Variants in NDUFA13 observed in about 807,000 individuals in gnomAD.
NDUFA13 encodes the protein NADH:ubiquinone oxidoreductase subunit A13.
NDUFA13 carries 16 observed loss-of-function variants against 17.0 expected under a neutral mutation model. That is an observed-to-expected ratio of 0.94 (90% CI 0.64 to 1.43). The LOEUF is 1.43. Ranked by LOEUF, NDUFA13 falls within the 40% of genes most tolerant of loss-of-function variation. The pLI is 0.00. For missense variants in NDUFA13, 228 were observed against 206.7 expected (o/e 1.10, Z -0.63); for synonymous variants, 87 against 78.4 (o/e 1.11, Z -0.58).
chr19:19,516,832 G>C (rs1344120203), intron 1 of NDUFA13, among the ~76,000 whole-genome samples: 1 of 152,066 alleles, frequency 6.6e-6, no homozygotes, highest in Admixed American at 6.5e-5. Context: ...TTGTTGCCCA[G>C]GCTGGAGTGC....
chr19:19,524,047 C>T (rs886102573), intron 1 of NDUFA13, among the ~76,000 whole-genome samples: 10 of 104,588 alleles, frequency 9.6e-5, no homozygotes, highest in Admixed American at 1.9e-4. Flanking sequence ...GGATTACAAG[C>T]GTGAGCCGAA....
intron 1 of NDUFA13, among the ~76,000 whole-genome samples, chr19:19,519,971 CTTTT>C (rs397963977): frequency 2.5e-5 from 3 of 120,268 alleles, no homozygotes; most frequent in Admixed American, 9.1e-5. Context: ...TTTTTGTTCT[CTTTT>C]TTTTTTTTTT....
chr19:19,520,037 C>T (rs998298471), intron 1 of NDUFA13, among the ~76,000 whole-genome samples: 8 of 145,342 alleles, frequency 5.5e-5, no homozygotes, highest in Admixed American at 2.9e-4. Context: ...TGCAGTGGCG[C>T]GATCTCAGCT....
At chr19:19,521,705 C>T (rs2061078912) in intron 1 of NDUFA13, among the ~76,000 whole-genome samples, 1 of 137,514 alleles carries the variant, frequency 7.3e-6, no homozygotes, top group South Asian at 2.1e-4. Context: ...CGGGTTCACG[C>T]CATTCTCCTG....
At chr19:19,527,238 C>T in intron 2 of NDUFA13, 43 bp from the exon 3 acceptor site, 1 of 1,612,028 alleles carries the variant, frequency 6.2e-7, no homozygotes, top group Non-Finnish European at 8.5e-7. Flanking sequence ...GCTCCCCCGA[C>T]CTAGCCTGGT....
intron 1 of NDUFA13, 120 bp downstream of exon 1, chr19:19,516,452 G>T: frequency 9.5e-7 from 1 of 1,048,480 alleles, no homozygotes; most frequent in Non-Finnish European, 1.4e-6. Context: ...GGAGCCCGGG[G>T]ATCCATCATA....
Position 19,527,700 on chromosome 19 carries a change from G to C in NDUFA13, c.246-1G>C. ...CCCCACCATCGGCCCCATCCCCACA[G>C]GACCTTGCAGATGCTTCGGGAGAAC... is the stretch of plus-strand genomic sequence containing the variant. On this transcript the variant is annotated splice_acceptor_variant, in intron 3 of 4. Coordinates refer to ENST00000507754, the MANE Select transcript of NDUFA13 (RefSeq NM_015965.7). LOFTEE classifies it high-confidence loss of function. The C allele has an allele frequency of 6.4e-7, 1 of 1,551,886 alleles. No homozygotes were observed. Among genetic ancestry groups the C allele is most frequent in the Non-Finnish European group, 8.7e-7 (1 of 1,147,080 alleles).
intron 2 of NDUFA13, 91 bp from the exon 3 acceptor site, chr19:19,527,190 C>T: frequency 7.0e-7 from 1 of 1,422,250 alleles, no homozygotes. Context: ...GCCTCTTCCC[C>T]CAGCAGCACC....
Position 19,528,061 on chromosome 19 carries a change from C to T in NDUFA13, c.370C>T (p.Leu124=). The change falls in exon 5 of 5, where the codon CTG becomes TTG. Residue 124 remains leucine, a synonymous_variant. Coordinates refer to ENST00000507754, the MANE Select transcript of NDUFA13 (RefSeq NM_015965.7). ...CTGGGTGCCCCCCTTGATCGGGGAG[C>T]TGTACGGGCTGCGCACCACAGAGGA... is the stretch of plus-strand genomic sequence containing the variant. ...TRWVPPLIGE[L]YGLRTTEEAL... The T allele has an allele frequency of 6.2e-7, 1 of 1,612,098 alleles. No homozygotes were observed. Among genetic ancestry groups the T allele is most frequent in the African/African-American group, 1.3e-5 (1 of 74,944 alleles).
At chr19:19,526,354 G>C in intron 2 of NDUFA13, 94 bp downstream of exon 2, 1 of 1,386,702 alleles carries the variant, frequency 7.2e-7, no homozygotes, top group Non-Finnish European at 1.0e-6. Flanking sequence ...GGCGAGGGGT[G>C]AACGGGCCCC....
intron 2 of NDUFA13, 48 bp downstream of exon 2, chr19:19,526,308 G>A: frequency 6.3e-7 from 1 of 1,599,806 alleles, no homozygotes; most frequent in Non-Finnish European, 8.5e-7. Context: ...CCGGCGAGTT[G>A]TCGGGGTCCT....
At chr19:19,519,609 G>A (rs950178235) in intron 1 of NDUFA13, among the ~76,000 whole-genome samples, 1 of 152,164 alleles carries the variant, frequency 6.6e-6, no homozygotes, top group African/African-American at 2.4e-5. Flanking sequence ...GTCCCCAAGC[G>A]CTCACAGCTG....
chr19:19,527,235 C>G, intron 2 of NDUFA13, 46 bp from the exon 3 acceptor site: 1 of 1,609,802 alleles, frequency 6.2e-7, no homozygotes, highest in Non-Finnish European at 8.5e-7. Context: ...TGTGCTCCCC[C>G]GACCTAGCCT....
intron 1 of NDUFA13, among the ~76,000 whole-genome samples, chr19:19,525,496 A>G (rs1273418564): frequency 2.6e-5 from 4 of 152,174 alleles, no homozygotes; most frequent in African/African-American, 9.7e-5. Context: ...TGAGCTTTTC[A>G]TTCATCCCAC....
chr19:19,528,185 C>T lies in NDUFA13; in HGVS notation c.*59C>T. ...CCTCCCCACTGGGACGGAATAAATG[C>T]TCTGCAGACCTGGCCTGCCTGTTTT... is the stretch of plus-strand genomic sequence containing the variant. On this transcript the variant is annotated 3_prime_UTR_variant, in exon 5 of 5. Transcript: ENST00000507754. 1.2e-6 allele frequency: 2 copies of T among 1,603,502 alleles called. No homozygotes were observed. The highest frequency in any genetic ancestry group is 1.7e-6 in the Non-Finnish European group (2 of 1,178,862).
rs375060677 is a variant in NDUFA13 at position 19,526,980 on chromosome 19, C to T, written c.174-301C>T. Among the ~76,000 whole-genome samples the T allele has an allele frequency of 1.6e-4, 24 of 152,280 alleles. No homozygotes were observed. The South Asian group carries it at 1.7e-3, about 11-fold the overall frequency. ...TGATGAAGTCACCCCCTCTTCGTCG[C>T]GATCATCAGGCAGAGTTATTTTTAG... On this transcript the variant is annotated intron_variant, in intron 2 of 4. Transcript: ENST00000507754.
chr19:19,527,534 G>A, intron 3 of NDUFA13, 167 bp from the exon 4 acceptor site: 1 of 934,992 alleles, frequency 1.1e-6, no homozygotes, highest in Non-Finnish European at 1.7e-6. Flanking sequence ...AAGGCTTCCT[G>A]GAGGAGGAGG....
intron 1 of NDUFA13, among the ~76,000 whole-genome samples, chr19:19,519,009 GGT>G (rs2061063909): frequency 1.3e-5 from 2 of 149,348 alleles, no homozygotes; most frequent in African/African-American, 5.0e-5. Context: ...CTCCCAAAGT[GGT>G]GGGATTACAG....
At position 19,516,309 on chromosome 19, in the gene NDUFA13, A is replaced by T. The variant is rs1185603962; in HGVS notation, c.71A>T (p.Asn24Ile). Residue 24 changes from asparagine (N) to isoleucine (I), a missense_variant, in exon 1 of 5, where the codon AAC becomes ATC. Physicochemically the swap from Asn to Ile is moderately radical, Grantham distance 149 (BLOSUM62 -3). Coordinates refer to ENST00000507754, the MANE Select transcript of NDUFA13 (RefSeq NM_015965.7). ...TATGGGCCCATCGACTACAAACGGA[A>T]CTTGCCGCGTCGAGGACTGTCGGGT... ...GGYGPIDYKR[N>I]LPRRGLSGYS... is the part of the protein sequence containing the mutation. 3.7e-6 allele frequency: 6 copies of T among 1,613,500 alleles called. No individual in the cohort carries two copies. Among genetic ancestry groups the T allele is most frequent in the Admixed American group, 1.7e-5 (1 of 60,000 alleles).
Sources: gnomAD v4.1 joint callset for allele counts (sites outside exome capture counted in the v4.1 genomes callset) on GRCh38, gnomAD v4.1.1 for gene constraint, MANE v1.5 for transcripts, NCBI Gene and HGNC (gene_info 2026-07-23, HGNC 2026-07-21) for gene names.